KIF7: variants seen among roughly 807,000 people sequenced by gnomAD.
The protein encoded by KIF7 is kinesin family member 7.
A neutral mutation model predicts 135.7 loss-of-function variants in KIF7; 104 were observed. The observed-to-expected ratio is 0.77, with a 90% CI of 0.65 to 0.90. The LOEUF (loss-of-function observed/expected upper bound fraction) is 0.90, where lower values mean the gene tolerates loss of function less well. Ranked by LOEUF, KIF7 falls within the 40% of genes least tolerant of loss-of-function variation. The probability of loss-of-function intolerance (pLI) is 0.00; values close to 1 mark genes in which losing one functional copy is unlikely to be tolerated. For missense variants in KIF7, 2,005 were observed against 1,839.1 expected (o/e 1.09, Z -1.65); for synonymous variants, 883 against 809.4 (o/e 1.09, Z -1.54).
At chr15:89,643,392 A>G (rs1430133938) in intron 10 of KIF7, among the ~76,000 whole-genome samples, 2 of 152,226 alleles carry the variant, frequency 1.3e-5, no homozygotes, top group Non-Finnish European at 2.9e-5. Context: ...GTTACTGTAA[A>G]TACTATACCA....
rs1963579815 is a variant in KIF7 at position 89,628,406 on chromosome 15, C to T, written c.*13G>A. On this transcript the variant is annotated 3_prime_UTR_variant, in exon 19 of 19. Transcript: ENST00000394412. ...TCGGAGTCTCCCTCCAAGGCAGGGT[C>T]TGCCCCGAGGGCTTACAGGGGGTTT... The T allele has an allele frequency of 1.9e-6, 3 of 1,597,136 alleles. No homozygotes were observed. The highest frequency in any genetic ancestry group is 1.7e-5 in the Admixed American group (1 of 58,098).
chr15:89,619,699 A>AT (rs1963392750), intron 1 of KIF7: 1 of 1,601,854 alleles, frequency 6.2e-7, no homozygotes, highest in African/African-American at 1.3e-5. Context: ...TGTGGTTCTG[A>AT]TTTTACAGAA....
intron 2 of KIF7, chr15:89,618,018 G>C: frequency 1.1e-6 from 1 of 885,148 alleles, no homozygotes; most frequent in Non-Finnish European, 1.9e-6. Context: ...TCACGTATGA[G>C]AGCCCTTTAC....
At chr15:89,657,695 A>T (rs1260742859), upstream of KIF7, among the ~76,000 whole-genome samples, 1 of 152,246 alleles carries the variant, frequency 6.6e-6, no homozygotes, top group Non-Finnish European at 1.5e-5. Flanking sequence ...CTGAAATGAC[A>T]AAAGCCCCAA....
chr15:89,632,907 GAGCTCCTCCCCC>G lies in KIF7; in HGVS notation c.2796_2807del (p.Gly933_Leu936del), dbSNP rs1279106033. On this transcript the variant is annotated inframe_deletion, in exon 14 of 19. Coordinates refer to ENST00000394412, the MANE Select transcript of KIF7 (RefSeq NM_198525.3). ...TGGCCAGGATGGCCTCCCGCTTGTG[GAGCTCCTCCCCC>G]AGCTCCTCCAGCGCCCGCCGCTGCT... The G allele has an allele frequency of 1.2e-6, 2 of 1,608,552 alleles. No homozygotes were observed. Among genetic ancestry groups the G allele is most frequent in the Non-Finnish European group, 1.7e-6 (2 of 1,179,146 alleles).
rs746010613 is a variant in KIF7 at position 89,645,214 on chromosome 15, A to G, written c.2039-49T>C. On this transcript the variant is annotated intron_variant, in intron 9 of 18. Transcript: ENST00000394412. ...TTGCTGCCCCAACTGACAGTGGGGG[A>G]GACAGAGGAGTGGAGAGCAGGGGCT... is the stretch of plus-strand genomic sequence containing the variant. 37 of 1,602,180 alleles carry G rather than the reference A, an allele frequency of 2.3e-5. 1 individual carries two copies. In the South Asian group the frequency reaches 3.6e-4, roughly 16 times the overall value.
At chr15:89,645,226 G>T in intron 9 of KIF7, 61 bp from the exon 10 acceptor site, 3 of 1,603,386 alleles carry the variant, frequency 1.9e-6, no homozygotes, top group Middle Eastern at 1.7e-4. Context: ...ACAGAGGAGT[G>T]GAGAGCAGGG....
chr15:89,648,937 G>T, intron 4 of KIF7, 37 bp downstream of exon 4: 1 of 1,497,056 alleles, frequency 6.7e-7, no homozygotes, highest in Non-Finnish European at 8.9e-7. Flanking sequence ...CCGCCTCCCC[G>T]GCCCCCAGGC....
At chr15:89,636,037 G>C (rs1342559843) in intron 11 of KIF7, among the ~76,000 whole-genome samples, 3 of 152,038 alleles carry the variant, frequency 2.0e-5, no homozygotes, top group East Asian at 3.9e-4. Flanking sequence ...CATTCTTAAA[G>C]AAAAGAATTT....
rs745705713 is a variant in KIF7 at position 89,633,814 on chromosome 15, G to C, written c.2464C>G (p.Gln822Glu). 5 of 1,612,928 alleles carry C rather than the reference G, an allele frequency of 3.1e-6. No individual in the cohort carries two copies. The South Asian group carries it at 5.5e-5, about 18-fold the overall frequency. ...SLSAQSEKRLQELERNVQLMR... is the reference protein window; with the variant it reads ...SLSAQSEKRLEELERNVQLMR... The stretch of plus-strand genomic sequence containing the variant: ...AGCTGCACGTTCCGCTCGAGCTCCT[G>C]CAGTCGCTTCTCACTCTGGGCCGAC... The change falls in exon 12 of 19, where the codon CAG (glutamine) becomes GAG (glutamate). Residue 822 changes from glutamine (Q) to glutamate (E), a missense_variant. Gln to Glu is a conservative substitution (Grantham distance 29). Transcript: ENST00000394412.
downstream of KIF7, chr15:89,623,500 C>T (rs536915124): frequency 1.2e-4 from 124 of 1,045,316 alleles, no homozygotes; most frequent in Non-Finnish European, 1.5e-4. Context: ...TTTGAGATTT[C>T]CATCTTTAGA....
At position 89,642,336 on chromosome 15, in the gene KIF7, T is replaced by C. The variant is rs761681469; in HGVS notation, c.2261A>G (p.Gln754Arg). 1 of 1,610,730 alleles carries C rather than the reference T, an allele frequency of 6.2e-7. No individual in the cohort carries two copies. Among genetic ancestry groups the C allele is most frequent in the Admixed American group, 1.7e-5 (1 of 59,824 alleles). The change falls in exon 11 of 19, where the codon CAG (glutamine) becomes CGG (arginine). Residue 754 changes from glutamine to arginine, a missense_variant. Physicochemically the swap from Gln to Arg is conservative, Grantham distance 43 (BLOSUM62 1). Coordinates refer to ENST00000394412, the MANE Select transcript of KIF7 (RefSeq NM_198525.3). ...RIRELEQEAE[Q>R]VRAELSEGQR... is the part of the protein sequence containing the mutation. Reference sequence around the variant, plus strand: ...GCCTTCACTCAGCTCGGCCCGCACCTGCTCTGCCTCCTGCTCCAGCTCCCG... The same window carrying C: ...GCCTTCACTCAGCTCGGCCCGCACCCGCTCTGCCTCCTGCTCCAGCTCCCG...
chr15:89,661,566 GGA>G, the KIF7 span, among the ~76,000 whole-genome samples: 1 of 152,032 alleles, frequency 6.6e-6, no homozygotes, highest in Non-Finnish European at 1.5e-5. Flanking sequence ...TCCTAGATGG[GGA>G]GCTGACCACA....
intron 1 of KIF7, among the ~76,000 whole-genome samples, chr15:89,619,218 C>CT (rs1444853735): frequency 1.1e-5 from 1 of 91,872 alleles, no homozygotes; most frequent in Non-Finnish European, 2.3e-5. Context: ...CTACACCATT[C>CT]TTCTTTTTTT....
intron 2 of KIF7, among the ~76,000 whole-genome samples, chr15:89,652,346 A>C (rs1964136855): frequency 6.6e-6 from 1 of 152,134 alleles, no homozygotes; most frequent in South Asian, 2.1e-4. Flanking sequence ...TGAGGTCCCC[A>C]GAGCCAGGCA....
chr15:89,660,208 A>G (rs180810025), upstream of KIF7, among the ~76,000 whole-genome samples: 1 of 152,318 alleles, frequency 6.6e-6, no homozygotes, highest in East Asian at 1.9e-4. Context: ...CAAAAAACAT[A>G]TATATGGAAA....
intron 1 of KIF7, chr15:89,619,806 G>C (rs1963394889): frequency 6.2e-7 from 1 of 1,613,540 alleles, no homozygotes; most frequent in Admixed American, 1.7e-5. Flanking sequence ...GTCTCGAAGT[G>C]TGCAAAGAGT....
downstream of KIF7, chr15:89,624,688 G>A (rs563671931): frequency 3.7e-6 from 6 of 1,613,974 alleles, no homozygotes; most frequent in Non-Finnish European, 5.1e-6. Context: ...CATTACAAGT[G>A]ACACAGAGCA....
chr15:89,657,068 G>T (rs1232021870), upstream of KIF7, among the ~76,000 whole-genome samples: 1 of 152,154 alleles, frequency 6.6e-6, no homozygotes, highest in East Asian at 1.9e-4. Flanking sequence ...ATCACTCTAG[G>T]AGGCTGAGGC....
Sources: gnomAD v4.1 joint callset for allele counts (sites outside exome capture counted in the v4.1 genomes callset) on GRCh38, gnomAD v4.1.1 for gene constraint, MANE v1.5 for transcripts, NCBI Gene and HGNC (gene_info 2026-07-23, HGNC 2026-07-21) for gene names.